The following C1orf52 variants were observed in gnomAD, a reference collection of about 807,000 sequenced individuals.
C1orf52 encodes UPF0690 protein C1orf52.
Under a neutral mutation model 17.2 loss-of-function variants are expected in C1orf52, and 5 were observed. The observed-to-expected ratio is 0.29, with a 90% CI of 0.15 to 0.61. The LOEUF is 0.61. Ranked by LOEUF, C1orf52 falls within the 20% of genes least tolerant of loss-of-function variation. The probability of loss-of-function intolerance (pLI) is 0.85; values close to 1 mark genes in which losing one functional copy is unlikely to be tolerated. For synonymous variants in C1orf52, 110 were observed against 88.0 expected (o/e 1.25, Z -1.40); for missense variants, 245 against 234.1 (o/e 1.05, Z -0.30).
intron 1 of C1orf52, 52 bp downstream of exon 1, chr1:85,259,305 GA>G (rs1660028404): frequency 6.3e-7 from 1 of 1,580,714 alleles, no homozygotes; most frequent in African/African-American, 1.4e-5. Context: ...GGGCTCAGGA[GA>G]AAGGGGGCGC....
intron 1 of C1orf52, 38 bp from the exon 2 acceptor site, chr1:85,258,760 C>G: frequency 1.9e-6 from 3 of 1,543,958 alleles, no homozygotes; most frequent in Non-Finnish European, 2.6e-6. Context: ...TGTGACGAAC[C>G]GAGGTTCCTA....
Position 85,251,931 on chromosome 1 carries a change from C to T in C1orf52, c.*698G>A, listed in dbSNP as rs1659810672. ...GTGATGATTTTGAGGTTCAAGTGTC[C>T]CAAGTTAAATTCCAAATGAACCACT... On this transcript the variant is annotated 3_prime_UTR_variant, in exon 3 of 3. Coordinates refer to ENST00000471115, the MANE Select transcript of C1orf52 (RefSeq NM_198077.4). 6.6e-6 allele frequency: 1 copy of T among 152,046 alleles called. No homozygotes were observed. 9.4% of individuals were successfully genotyped at this position (152,046 alleles called of 1,614,324 possible).
In C1orf52 at chr1:85,257,292, T is replaced by A. The variant is rs1183485716; in HGVS notation, c.475+1232A>T. The A allele has an allele frequency of 1.2e-5, 7 of 607,650 alleles. No homozygotes were observed. The East Asian group carries it at 2.0e-4, about 17-fold the overall frequency. The allele number at this position is 607,650 out of a possible 1,614,324, so 37.6% of individuals were successfully genotyped here. On this transcript the variant is annotated intron_variant, in intron 2 of 2. Transcript: ENST00000471115. ...ATCAACAGCATTAGCATAAACAAGG[T>A]ACAAAGGAGCAAATAATTATTAGAG...
intron 2 of C1orf52, among the ~76,000 whole-genome samples, chr1:85,257,174 T>C (rs1659965031): frequency 6.6e-6 from 1 of 152,250 alleles, no homozygotes; most frequent in Admixed American, 6.5e-5. Context: ...ACTTACAATG[T>C]ACTCGATACA....
chr1:85,252,469 AAAG>A lies in C1orf52; in HGVS notation c.*157_*159del, dbSNP rs1397732030. 6.7e-6 allele frequency: 4 copies of A among 593,816 alleles called. No homozygotes were observed. In the African/African-American group the frequency reaches 7.7e-5, roughly 11 times the overall value. The allele number at this position is 593,816 out of a possible 1,614,324, so 36.8% of individuals were successfully genotyped here. A position where few individuals can be genotyped will look rare whatever the true frequency, so the allele number is the denominator to read the frequency against. On this transcript the variant is annotated 3_prime_UTR_variant, in exon 3 of 3. Coordinates refer to ENST00000471115, the MANE Select transcript of C1orf52 (RefSeq NM_198077.4). ...AAATACATACATGTTTTAAATAAAA[AAAG>A]AATTCTATAGTGGAAAGTTCTTGAG...
intron 2 of C1orf52, among the ~76,000 whole-genome samples, chr1:85,253,218 G>A (rs1570316364): frequency 1.3e-5 from 2 of 152,162 alleles, no homozygotes; most frequent in South Asian, 4.2e-4. Context: ...ACCACTGCAT[G>A]ATAGTATTTA....
intron 1 of C1orf52, 52 bp from the exon 2 acceptor site, chr1:85,258,774 T>C (rs1356005655): frequency 4.6e-6 from 7 of 1,505,402 alleles, no homozygotes; most frequent in South Asian, 2.5e-5. Context: ...GTTCCTACGA[T>C]GGACGTGGGC....
intron 2 of C1orf52, among the ~76,000 whole-genome samples, chr1:85,254,923 T>C (rs1659894378): frequency 6.6e-6 from 1 of 152,244 alleles, no homozygotes; most frequent in Non-Finnish European, 1.5e-5. Flanking sequence ...TATCAGTGAT[T>C]TGAGCAGAAG....
chr1:85,255,103 G>GT (rs1659900289), intron 2 of C1orf52, among the ~76,000 whole-genome samples: 1 of 152,128 alleles, frequency 6.6e-6, no homozygotes, highest in African/African-American at 2.4e-5. Flanking sequence ...AATCACTCAA[G>GT]TAAGTTTAAC....
At position 85,259,555 on chromosome 1, in the gene C1orf52, C is replaced by G. The variant is rs754769552; in HGVS notation, c.79G>C (p.Asp27His). 6.2e-7 allele frequency: 1 copy of G among 1,613,316 alleles called. No individual in the cohort carries two copies. The highest frequency in any genetic ancestry group is 8.5e-7 in the Non-Finnish European group (1 of 1,179,786). The change falls in exon 1 of 3, where the codon GAT becomes CAT. Residue 27 changes from aspartate (D) to histidine (H), a missense_variant. By Grantham distance (81) the Asp-to-His change is moderately conservative (BLOSUM62 -1). Transcript: ENST00000471115. Reference protein sequence around the residue: ...SSSSGSSDEEDNIEPEETSRR... With the variant: ...SSSSGSSDEEHNIEPEETSRR... ...CTCGTCTCCTCCGGCTCGATGTTAT[C>G]CTCCTCGTCCGAGGAGCCTGAGCTG...
intron 2 of C1orf52, among the ~76,000 whole-genome samples, chr1:85,255,225 C>T (rs1659904857): frequency 6.6e-6 from 1 of 152,128 alleles, no homozygotes; most frequent in African/African-American, 2.4e-5. Flanking sequence ...CAACTAATAA[C>T]TAAGCTTTGC....
chr1:85,259,312 G>C, intron 1 of C1orf52, 46 bp downstream of exon 1: 1 of 1,587,864 alleles, frequency 6.3e-7, no homozygotes, highest in Non-Finnish European at 8.6e-7. Flanking sequence ...GGAGAAAGGG[G>C]GCGCAGGCCG....
intron 2 of C1orf52, among the ~76,000 whole-genome samples, chr1:85,256,814 A>AAAAAG (rs1553178010): frequency 0.45 from 47,374 of 105,928 alleles, 9,867 homozygotes; most frequent in African/African-American, 0.47. Context: ...AAAAAAAAAA[A>AAAAAG]AAAAGAAAAG....
intron 2 of C1orf52, among the ~76,000 whole-genome samples, chr1:85,257,238 A>T (rs1570319887): frequency 6.6e-6 from 1 of 152,262 alleles, no homozygotes; most frequent in Non-Finnish European, 1.5e-5. Context: ...ACAGACTTTT[A>T]AAAAAATCAC....
intron 1 of C1orf52, 40 bp downstream of exon 1, chr1:85,259,318 G>T (rs1452011775): frequency 6.3e-7 from 1 of 1,595,318 alleles, no homozygotes. Flanking sequence ...AGGGGGCGCA[G>T]GCCGGGGCCG....
At chr1:85,257,827 G>A (rs754562735) in intron 2 of C1orf52, among the ~76,000 whole-genome samples, 5 of 152,140 alleles carry the variant, frequency 3.3e-5, no homozygotes, top group Non-Finnish European at 5.9e-5. Flanking sequence ...GCCTTCGGCC[G>A]GGAGCGGTGG....
At chr1:85,253,190 G>A (rs1307680341) in intron 2 of C1orf52, among the ~76,000 whole-genome samples, 1 of 152,168 alleles carries the variant, frequency 6.6e-6, no homozygotes, top group Non-Finnish European at 1.5e-5. Flanking sequence ...ACTCATGACT[G>A]TATTCTCTCC....
chr1:85,255,833 G>C (rs969610792), intron 2 of C1orf52, among the ~76,000 whole-genome samples: 1 of 151,698 alleles, frequency 6.6e-6, no homozygotes, highest in African/African-American at 2.4e-5. Flanking sequence ...AAATGGGTCT[G>C]TTATTTGATT....
Position 85,252,172 on chromosome 1 carries a change from T to C in C1orf52, c.*457A>G, listed in dbSNP as rs1316312892. ...TACTTGTCACAGACAAACATTCAAA[T>C]GTTAATGTTATACAGTAATAGTAAT... On this transcript the variant is annotated 3_prime_UTR_variant, in exon 3 of 3. Coordinates refer to ENST00000471115, the MANE Select transcript of C1orf52 (RefSeq NM_198077.4). The C allele has an allele frequency of 6.5e-6, 1 of 152,960 alleles. No individual in the cohort carries two copies. Among genetic ancestry groups the C allele is most frequent in the African/African-American group, 2.4e-5 (1 of 41,474 alleles). The allele number at this position is 152,960 out of a possible 1,614,324, so 9.5% of individuals were successfully genotyped here.
Sources: allele counts gnomAD v4.1 joint callset (sites outside exome capture counted in the v4.1 genomes callset), GRCh38; gene constraint gnomAD v4.1.1; transcripts MANE v1.5; gene names NCBI Gene and HGNC (gene_info 2026-07-23, HGNC 2026-07-21).